GNAZ: variants seen among roughly 807,000 people sequenced by gnomAD.
The protein encoded by GNAZ is G protein subunit alpha z.
In GNAZ, 3 loss-of-function variants were observed where a neutral mutation model predicts 25.4. That is an observed-to-expected ratio of 0.12 (90% CI 0.05 to 0.30). GNAZ has a LOEUF of 0.30. Ranked by LOEUF, GNAZ falls within the 10% of genes least tolerant of loss-of-function variation. The probability of loss-of-function intolerance (pLI) is 1.00; values close to 1 mark genes in which losing one functional copy is unlikely to be tolerated. For missense variants in GNAZ, 241 were observed against 501.8 expected (o/e 0.48, Z 4.97); for synonymous variants, 211 against 205.7 (o/e 1.03, Z -0.22).
At chr22:23,083,791 G>C (rs527352041) in intron 1 of GNAZ, among the ~76,000 whole-genome samples, 3 of 152,326 alleles carry the variant, frequency 2.0e-5, no homozygotes, top group African/African-American at 7.2e-5. Context: ...TCCCACTGCC[G>C]AACCAGCGGC....
intron 2 of GNAZ, among the ~76,000 whole-genome samples, chr22:23,118,060 G>A (rs551580579): frequency 6.6e-6 from 1 of 152,380 alleles, no homozygotes; most frequent in Admixed American, 6.5e-5. Flanking sequence ...GGGATGGGCT[G>A]TCAGCTCCCC....
chr22:23,081,316 T>G (rs752478293), intron 1 of GNAZ, among the ~76,000 whole-genome samples: 1 of 152,184 alleles, frequency 6.6e-6, no homozygotes, highest in Non-Finnish European at 1.5e-5. Context: ...AAACTCTGAT[T>G]TAGGAAGAGT....
chr22:23,122,089 T>C (rs924130957), intron 2 of GNAZ, among the ~76,000 whole-genome samples: 5 of 152,198 alleles, frequency 3.3e-5, no homozygotes, highest in African/African-American at 1.2e-4. Context: ...AGATTTTTGA[T>C]ATTTTGCTCA....
At chr22:23,112,386 C>T (rs2069680923) in intron 2 of GNAZ, among the ~76,000 whole-genome samples, 2 of 152,300 alleles carry the variant, frequency 1.3e-5, no homozygotes, top group East Asian at 1.9e-4. Context: ...GTGGGAGGTC[C>T]AGGGACCTGG....
chr22:23,094,914 G>T (rs2069079989), intron 1 of GNAZ, among the ~76,000 whole-genome samples: 1 of 152,246 alleles, frequency 6.6e-6, no homozygotes, highest in Non-Finnish European at 1.5e-5. Flanking sequence ...GCCCCAGGGG[G>T]CATCACAACA....
chr22:23,108,743 TCCC>T (rs2069555993), intron 2 of GNAZ, among the ~76,000 whole-genome samples: 1 of 152,218 alleles, frequency 6.6e-6, no homozygotes, highest in Non-Finnish European at 1.5e-5. Context: ...GGACCTTTCT[TCCC>T]AGGCAGGAGT....
intron 1 of GNAZ, among the ~76,000 whole-genome samples, chr22:23,084,566 G>T (rs974458170): frequency 6.6e-6 from 1 of 152,214 alleles, no homozygotes; most frequent in Admixed American, 6.5e-5. Flanking sequence ...AGCCACACTG[G>T]CCAGGATGAA....
intron 1 of GNAZ, among the ~76,000 whole-genome samples, chr22:23,092,406 C>G (rs5759585): frequency 0.4 from 60,056 of 151,864 alleles, 14,293 homozygotes; most frequent in African/African-American, 0.68. Flanking sequence ...AAACACAACA[C>G]AGCCCCACAG....
At chr22:23,094,454 G>A (rs2069067780) in intron 1 of GNAZ, among the ~76,000 whole-genome samples, 2 of 152,170 alleles carry the variant, frequency 1.3e-5, no homozygotes, top group Admixed American at 1.3e-4. Context: ...AGGCCACCCT[G>A]CCTTGCCCTG....
rs1265995435 is a variant in GNAZ, at chr22:23,087,421, G to A, written c.-449-7826G>A. On this transcript the variant is annotated intron_variant, in intron 1 of 2. Transcript: ENST00000615612. ...TGAGGCTGCAGTGAACTGTGATGGT[G>A]CACTGCAGCTGGGTGACAGTTAAAA... Among the ~76,000 whole-genome samples, 9 of 152,286 alleles carry A rather than the reference G, an allele frequency of 5.9e-5. No individual in the cohort carries two copies. In the East Asian group the frequency reaches 1.7e-3, roughly 29 times the overall value.
rs140911828 is a variant in GNAZ at position 23,114,621 on chromosome 22, T to C, written c.724-8466T>C. 7.2e-3 allele frequency among the ~76,000 whole-genome samples: 1,104 copies of C among 152,354 alleles called. 8 individuals are homozygous for C. The highest frequency in any genetic ancestry group is 0.026 in the African/African-American group (1,070 of 41,576). ...GCTCACAGTCACTTGTGCCTGGGTG[T>C]GGGGACTAAGCTGTCCATGTGTATC... On this transcript the variant is annotated intron_variant, in intron 2 of 2. Transcript: ENST00000615612.
At chr22:23,122,623 G>A (rs4820537) in intron 2 of GNAZ, 67,657 of 168,026 alleles carry the variant, frequency 0.4, 14,753 homozygotes, top group Non-Finnish European at 0.48. Context: ...ACCCAGATAG[G>A]GCACAAGGCT....
intron 2 of GNAZ, among the ~76,000 whole-genome samples, chr22:23,119,913 G>A (rs372768199): frequency 1.3e-5 from 2 of 152,320 alleles, no homozygotes; most frequent in East Asian, 3.9e-4. Flanking sequence ...ATTAGTCAGT[G>A]TGGTTCCCAT....
chr22:23,103,638 C>G (rs778294088), intron 2 of GNAZ, among the ~76,000 whole-genome samples: 14 of 151,500 alleles, frequency 9.2e-5, no homozygotes, highest in Non-Finnish European at 1.8e-4. Flanking sequence ...AGCAACCTTG[C>G]ATTGGCTAAC....
At chr22:23,122,615 C>CTGTCT in intron 2 of GNAZ, 1 of 167,020 alleles carries the variant, frequency 6.0e-6, no homozygotes, top group Admixed American at 5.6e-5. Flanking sequence ...GGGCCAGAAC[C>CTGTCT]CAGATAGGGC....
chr22:23,085,498 T>G (rs1209458066), intron 1 of GNAZ, among the ~76,000 whole-genome samples: 1 of 152,050 alleles, frequency 6.6e-6, no homozygotes, highest in African/African-American at 2.4e-5. Flanking sequence ...ACGTGCTGGG[T>G]GATTTAGGAG....
intron 1 of GNAZ, among the ~76,000 whole-genome samples, chr22:23,091,081 C>T (rs2068958163): frequency 6.6e-6 from 1 of 152,188 alleles, no homozygotes; most frequent in Non-Finnish European, 1.5e-5. Context: ...TGCAGATGCC[C>T]ACATGCACCA....
In GNAZ at chr22:23,085,877, T is replaced by C. The variant is rs868345000; in HGVS notation, c.-449-9370T>C. On this transcript the variant is annotated intron_variant, in intron 1 of 2. Transcript: ENST00000615612. Reference sequence around the variant, plus strand: ...CTTCCCCAGAGGAAGGTAATCCTTTTTGTTTCTCTCTCAATCCTTCTCCTT... The same window carrying C: ...CTTCCCCAGAGGAAGGTAATCCTTTCTGTTTCTCTCTCAATCCTTCTCCTT... Among the ~76,000 whole-genome samples, 4 of 152,216 alleles carry C rather than the reference T, an allele frequency of 2.6e-5. No individual in the cohort carries two copies. In the South Asian group the frequency reaches 8.3e-4, roughly 32 times the overall value.
At chr22:23,079,606 C>T (rs1043294499) in intron 1 of GNAZ, among the ~76,000 whole-genome samples, 1 of 152,216 alleles carries the variant, frequency 6.6e-6, no homozygotes, top group African/African-American at 2.4e-5. Context: ...GTGAGACATA[C>T]TCTGCCTCAT....
Sources: allele counts gnomAD v4.1 joint callset (sites outside exome capture counted in the v4.1 genomes callset), GRCh38; gene constraint gnomAD v4.1.1; transcripts MANE v1.5; gene names NCBI Gene and HGNC (gene_info 2026-07-23, HGNC 2026-07-21).